The following DNER variants were observed in gnomAD, a reference collection of about 807,000 sequenced individuals.
DNER encodes delta and Notch-like epidermal growth factor-related receptor.
A neutral mutation model predicts 78.2 loss-of-function variants in DNER; 33 were observed. That is an observed-to-expected ratio of 0.42 (90% CI 0.32 to 0.56). The LOEUF (loss-of-function observed/expected upper bound fraction) is 0.56. DNER is among the 20% of genes least tolerant of loss of function. The pLI is 0.11. For missense variants in DNER, 918 were observed against 975.3 expected (o/e 0.94, Z 0.78); for synonymous variants, 417 against 384.8 (o/e 1.08, Z -0.98).
chr2:229,560,118 G>A (rs940283302), intron 4 of DNER, among the ~76,000 whole-genome samples: 1 of 152,314 alleles, frequency 6.6e-6, no homozygotes, highest in East Asian at 1.9e-4. Context: ...TTAACTGTTT[G>A]TTTTACTGCT....
intron 1 of DNER, among the ~76,000 whole-genome samples, chr2:229,629,466 G>A (rs877860): frequency 0.13 from 20,311 of 152,046 alleles, 1,904 homozygotes; most frequent in East Asian, 0.41. Flanking sequence ...AAATGGTAAC[G>A]AGAGCTTTCT....
chr2:229,385,919 C>T (rs2106334454), intron 11 of DNER, among the ~76,000 whole-genome samples: 1 of 152,110 alleles, frequency 6.6e-6, no homozygotes, highest in South Asian at 2.1e-4. Context: ...ACGTTCAATG[C>T]TATCCCCACC....
At chr2:229,506,766 G>A (rs1012101309) in intron 6 of DNER, among the ~76,000 whole-genome samples, 3 of 151,598 alleles carry the variant, frequency 2.0e-5, no homozygotes, top group African/African-American at 7.3e-5. Context: ...AGAACATGCG[G>A]TGTTTGGTTT....
At chr2:229,650,801 A>T (rs55820684) in intron 1 of DNER, among the ~76,000 whole-genome samples, 18 of 152,200 alleles carry the variant, frequency 1.2e-4, no homozygotes, top group Non-Finnish European at 2.4e-4. Flanking sequence ...CTGGTCTCTG[A>T]ATCTCTTCCT....
At chr2:229,505,219 T>TGTGTGTGTGTG (rs56268741) in intron 6 of DNER, among the ~76,000 whole-genome samples, 89 of 149,286 alleles carry the variant, frequency 6.0e-4, no homozygotes, top group South Asian at 1.1e-3. Flanking sequence ...TGTGTGTGTG[T>TGTGTGTGTGTG]TGGCTACAAT....
At chr2:229,370,930 A>G (rs1293451538) in intron 11 of DNER, among the ~76,000 whole-genome samples, 1 of 152,240 alleles carries the variant, frequency 6.6e-6, no homozygotes, top group Non-Finnish European at 1.5e-5. Flanking sequence ...ACTAAAGTGA[A>G]AAAAACAACC....
chr2:229,527,771 A>C (rs7597438), intron 5 of DNER, among the ~76,000 whole-genome samples: 3,915 of 152,278 alleles, frequency 0.026, 173 homozygotes, highest in African/African-American at 0.089. Context: ...TGGCTGGTAA[A>C]TATGGTTTAT....
At chr2:229,547,185 A>G (rs1696644789) in intron 4 of DNER, 93 bp from the exon 5 acceptor site, 3 of 1,518,904 alleles carry the variant, frequency 2.0e-6, no homozygotes, top group East Asian at 4.7e-5. Flanking sequence ...CTACAAGACT[A>G]TGAATTTAGT....
intron 1 of DNER, among the ~76,000 whole-genome samples, chr2:229,596,979 G>A (rs10933303): frequency 0.49 from 74,164 of 151,470 alleles, 19,048 homozygotes; most frequent in Non-Finnish European, 0.59. Context: ...ACACACCTGC[G>A]CACACACATG....
intron 1 of DNER, among the ~76,000 whole-genome samples, chr2:229,678,581 A>G (rs989529355): frequency 2.3e-4 from 35 of 152,246 alleles, no homozygotes; most frequent in African/African-American, 8.4e-4. Flanking sequence ...AACATGCAGT[A>G]ATAACCAATT....
intron 8 of DNER, among the ~76,000 whole-genome samples, chr2:229,423,661 C>T (rs1473892534): frequency 1.3e-5 from 2 of 150,756 alleles, no homozygotes. Flanking sequence ...GAATGTACTA[C>T]TTGATAAACC....
chr2:229,571,933 T>A (rs533792675), intron 4 of DNER, among the ~76,000 whole-genome samples: 2 of 152,074 alleles, frequency 1.3e-5, no homozygotes, highest in Admixed American at 6.6e-5. Flanking sequence ...CCCCATGTTA[T>A]ATCTCCACCA....
chr2:229,368,487 C>G (rs988123191), intron 11 of DNER, among the ~76,000 whole-genome samples: 1 of 152,202 alleles, frequency 6.6e-6, no homozygotes, highest in Non-Finnish European at 1.5e-5. Context: ...ATATTTAACA[C>G]TCAGTGAGAT....
intron 9 of DNER, among the ~76,000 whole-genome samples, chr2:229,415,462 C>T (rs546213333): frequency 2.6e-5 from 4 of 152,226 alleles, no homozygotes; most frequent in East Asian, 3.9e-4. Flanking sequence ...AAGCCAGTAC[C>T]GGGTACTGAT....
intron 7 of DNER, among the ~76,000 whole-genome samples, chr2:229,451,015 T>C (rs1694444680): frequency 6.6e-6 from 1 of 152,168 alleles, no homozygotes; most frequent in Non-Finnish European, 1.5e-5. Context: ...GCCCCCTTTC[T>C]CCCATCGTCC....
chr2:229,389,676 T>G (rs897935654), intron 10 of DNER, among the ~76,000 whole-genome samples: 1 of 152,226 alleles, frequency 6.6e-6, no homozygotes, highest in Non-Finnish European at 1.5e-5. Context: ...TTGGTTTACC[T>G]TACGTTTATA....
chr2:229,648,824 G>A (rs1698763977), intron 1 of DNER, among the ~76,000 whole-genome samples: 1 of 152,192 alleles, frequency 6.6e-6, no homozygotes. Context: ...AAAGCTAATA[G>A]ACATTTCTCT....
intron 10 of DNER, among the ~76,000 whole-genome samples, chr2:229,393,950 A>AAAG (rs1693075009): frequency 6.6e-6 from 1 of 152,244 alleles, no homozygotes. Context: ...AATCCTAGAG[A>AAAG]AAGGATATGA....
chr2:229,519,602 A>G (rs1044080218), intron 5 of DNER, among the ~76,000 whole-genome samples: 2 of 152,050 alleles, frequency 1.3e-5, no homozygotes, highest in African/African-American at 2.4e-5. Flanking sequence ...GCTGGCAAGC[A>G]GAAGGTCAAG....
Sources: allele counts gnomAD v4.1 joint callset (sites outside exome capture counted in the v4.1 genomes callset), GRCh38; gene constraint gnomAD v4.1.1; transcripts MANE v1.5; gene names NCBI Gene and HGNC (gene_info 2026-07-23, HGNC 2026-07-21).